Variants in SHTN1 observed in about 807,000 individuals in gnomAD.
SHTN1 encodes the protein shootin 1, also known as shootin-1.
Under a neutral mutation model 83.1 loss-of-function variants are expected in SHTN1, and 42 were observed. The ratio of observed to expected loss-of-function variants is 0.51; its 90% CI spans 0.39 to 0.65. SHTN1 has a LOEUF of 0.65. Among genes scored for constraint, SHTN1 ranks in the 30% least tolerant of loss-of-function variants. The probability of loss-of-function intolerance (pLI) is 0.00; values close to 1 mark genes in which losing one functional copy is unlikely to be tolerated. For synonymous variants in SHTN1, 224 were observed against 247.7 expected (o/e 0.90, Z 0.90); for missense variants, 622 against 737.8 (o/e 0.84, Z 1.82).
chr10:116,920,529 T>C (rs1848523406), intron 12 of SHTN1, among the ~76,000 whole-genome samples: 1 of 152,172 alleles, frequency 6.6e-6, no homozygotes, highest in South Asian at 2.1e-4. Flanking sequence ...ACCATCAACA[T>C]TCATCTGAAT....
chr10:117,083,013 T>C (rs1172288288), intron 1 of SHTN1, among the ~76,000 whole-genome samples: 1 of 150,230 alleles, frequency 6.7e-6, no homozygotes, highest in Non-Finnish European at 1.5e-5. Context: ...TGTCTTTTAA[T>C]TGGAGCATTT....
chr10:116,901,077 T>A, intron 16 of SHTN1: 1 of 985,410 alleles, frequency 1.0e-6, no homozygotes, highest in Non-Finnish European at 1.2e-6. Flanking sequence ...ATCTGATTTG[T>A]CTCACCTCTT....
At chr10:117,110,756 TACATTCACAGGCATC>T (rs1853754566) in intron 1 of SHTN1, among the ~76,000 whole-genome samples, 3 of 152,304 alleles carry the variant, frequency 2.0e-5, no homozygotes, top group Middle Eastern at 6.8e-3. Flanking sequence ...ACAGCTACCA[TACATTCACAGGCATC>T]ACATTCACAG....
At chr10:117,117,627 T>C (rs1425380315) in intron 1 of SHTN1, among the ~76,000 whole-genome samples, 1 of 152,140 alleles carries the variant, frequency 6.6e-6, no homozygotes, top group Non-Finnish European at 1.5e-5. Flanking sequence ...CATCATACTA[T>C]GTGACTTCAA....
chr10:116,984,622 C>T (rs1851161882), intron 1 of SHTN1, among the ~76,000 whole-genome samples: 1 of 152,168 alleles, frequency 6.6e-6, no homozygotes, highest in South Asian at 2.1e-4. Context: ...CATCAAACTG[C>T]TCAAACCTCT....
At chr10:117,029,524 G>A (rs888422560) in intron 2 of SHTN1, among the ~76,000 whole-genome samples, 2 of 152,152 alleles carry the variant, frequency 1.3e-5, no homozygotes, top group African/African-American at 4.8e-5. Flanking sequence ...ATGTTCAATT[G>A]GAATGCTGAA....
intron 5 of SHTN1, among the ~76,000 whole-genome samples, chr10:116,952,656 C>A (rs1041901437): frequency 6.6e-6 from 1 of 152,156 alleles, no homozygotes; most frequent in Admixed American, 6.5e-5. Flanking sequence ...AGCGCAAAAG[C>A]TTCTGGTGTT....
rs1223212423 is a variant in SHTN1, at chr10:116,881,535, T to C, written c.*4809A>G. 1 of 1,544,742 alleles carries C rather than the reference T, an allele frequency of 6.5e-7. No homozygotes were observed. The highest frequency in any genetic ancestry group is 8.7e-7 in the Non-Finnish European group (1 of 1,145,226). On this transcript the variant is annotated 3_prime_UTR_variant, in exon 17 of 17. Coordinates refer to ENST00000355371, the MANE Select transcript of SHTN1 (RefSeq NM_001127211.3). ...AATAGGTTTCAAAGAAGAACACACT[T>C]TTTTTTACTTTAATGAGGAAGCTGA...
intron 1 of SHTN1, among the ~76,000 whole-genome samples, chr10:117,119,561 G>A (rs764935331): frequency 1.3e-5 from 2 of 152,154 alleles, no homozygotes; most frequent in Non-Finnish European, 2.9e-5. Flanking sequence ...GCGAGGATGT[G>A]GAGAAAAGGG....
chr10:116,979,233 G>GA (rs763526980), intron 2 of SHTN1, 23 bp downstream of exon 2: 69 of 1,601,860 alleles, frequency 4.3e-5, no homozygotes, highest in African/African-American at 1.1e-4. Context: ...TAAGAAAGGG[G>GA]AAAAAAAAGG....
Position 116,946,586 on chromosome 10 carries a change from TATATAAATATATAAAATGATTTA to T in SHTN1, c.617-1591_617-1569del, listed in dbSNP as rs1564890877. Among the ~76,000 whole-genome samples the T allele has an allele frequency of 6.7e-5, 8 of 119,406 alleles. No individual in the cohort carries two copies. The East Asian group carries it at 2.1e-3, about 31-fold the overall frequency. The allele number at this position is 119,406 out of a possible 152,430, so 78.3% of individuals were successfully genotyped here. ...ATATATAAATATATAAAATGATTTA[TATATAAATATATAAAATGATTTA>T]TATATAAATATATAAAATGATTTAT... On this transcript the variant is annotated intron_variant, in intron 7 of 16. Coordinates refer to ENST00000355371, the MANE Select transcript of SHTN1 (RefSeq NM_001127211.3).
At chr10:116,907,097 T>C (rs890253392) in intron 14 of SHTN1, among the ~76,000 whole-genome samples, 1 of 152,170 alleles carries the variant, frequency 6.6e-6, no homozygotes, top group Admixed American at 6.5e-5. Context: ...AGAATTGATA[T>C]ATTAAACTCA....
chr10:117,103,688 C>A (rs186915248), intron 1 of SHTN1, among the ~76,000 whole-genome samples: 2,254 of 151,884 alleles, frequency 0.015, 28 homozygotes, highest in Middle Eastern at 0.027. Flanking sequence ...AGGTGCCCAC[C>A]ACCACGCCCG....
At chr10:117,018,660 C>T (rs1257155172) in intron 2 of SHTN1, among the ~76,000 whole-genome samples, 2 of 150,168 alleles carry the variant, frequency 1.3e-5, no homozygotes, top group Non-Finnish European at 2.9e-5. Flanking sequence ...CAACCTCTGA[C>T]TCCTGGGTTC....
chr10:116,988,920 C>T (rs1291714228), intron 1 of SHTN1, among the ~76,000 whole-genome samples: 1 of 152,136 alleles, frequency 6.6e-6, no homozygotes, highest in African/African-American at 2.4e-5. Flanking sequence ...GTTCCTTCTA[C>T]ATCTTGAGGC....
chr10:117,098,251 G>A (rs1324915901), intron 1 of SHTN1, among the ~76,000 whole-genome samples: 11 of 142,372 alleles, frequency 7.7e-5, no homozygotes, highest in African/African-American at 2.8e-4. Flanking sequence ...AAAAAAATTA[G>A]CCAGACGTAG....
chr10:117,062,373 A>C (rs1295966690), intron 1 of SHTN1, among the ~76,000 whole-genome samples: 3 of 152,212 alleles, frequency 2.0e-5, no homozygotes. Flanking sequence ...TGCTCAACTG[A>C]CACAGAATTC....
intron 1 of SHTN1, among the ~76,000 whole-genome samples, chr10:117,067,611 T>TA (rs897216106): frequency 2.6e-5 from 4 of 151,428 alleles, no homozygotes; most frequent in South Asian, 2.1e-4. Context: ...AATTTTTAAA[T>TA]AAAAAAAAAT....
chr10:116,983,668 ATAGATAGATAG>A (rs1564913535), intron 1 of SHTN1, among the ~76,000 whole-genome samples: 6 of 70,424 alleles, frequency 8.5e-5, no homozygotes, highest in African/African-American at 2.1e-4. Flanking sequence ...AGATAGATAG[ATAGATAGATAG>A]ATAGATAAAT....
Sources: allele counts gnomAD v4.1 joint callset (sites outside exome capture counted in the v4.1 genomes callset), GRCh38; gene constraint gnomAD v4.1.1; transcripts MANE v1.5; gene names NCBI Gene and HGNC (gene_info 2026-07-23, HGNC 2026-07-21).